Variants in ARSG observed in about 807,000 individuals in gnomAD.
ARSG encodes ASG.
In ARSG, 37 loss-of-function variants were observed where a neutral mutation model predicts 50.5. That is an observed-to-expected ratio of 0.73 (90% confidence interval 0.56 to 0.96). The LOEUF (loss-of-function observed/expected upper bound fraction) is 0.96. ARSG is among the 50% of genes least tolerant of loss of function. The probability of loss-of-function intolerance (pLI) is 0.00; values close to 1 mark genes in which losing one functional copy is unlikely to be tolerated. For synonymous variants in ARSG, 225 were observed against 254.6 expected, an observed-to-expected ratio of 0.88 and a Z score of 1.11; for missense variants, 629 against 675.3, an observed-to-expected ratio of 0.93 and a Z score of 0.76.
intron 3 of ARSG, chr17:68,346,782 C>A (rs759026435): frequency 7.6e-7 from 1 of 1,307,774 alleles, no homozygotes; most frequent in South Asian, 1.2e-5. Context: ...AGGGCCCCAG[C>A]GCGGGAGGGC....
At chr17:68,262,000 A>C (rs2075078013) in intron 1 of ARSG, among the ~76,000 whole-genome samples, 1 of 151,876 alleles carries the variant, frequency 6.6e-6, no homozygotes, top group Admixed American at 6.6e-5. Flanking sequence ...AAAAATACAA[A>C]AAAAAAATGA....
chr17:68,356,938 T>C, intron 6 of ARSG, 134 bp downstream of exon 6: 11 of 1,082,112 alleles, frequency 1.0e-5, no homozygotes, highest in South Asian at 1.5e-5. Flanking sequence ...GATGCATACA[T>C]GTCTCCTATA....
At chr17:68,279,352 C>G (rs2075622754) in intron 1 of ARSG, among the ~76,000 whole-genome samples, 1 of 151,998 alleles carries the variant, frequency 6.6e-6, no homozygotes, top group Non-Finnish European at 1.5e-5. Context: ...ACTCAGTAAG[C>G]AATATTCTGA....
At chr17:68,333,260 T>A (rs2077858449) in intron 2 of ARSG, among the ~76,000 whole-genome samples, 1 of 152,136 alleles carries the variant, frequency 6.6e-6, no homozygotes, top group Non-Finnish European at 1.5e-5. Flanking sequence ...AGGCAGAGCT[T>A]GCAGCGAAGG....
intron 9 of ARSG, among the ~76,000 whole-genome samples, chr17:68,387,079 TCACA>T (rs72320984): frequency 0.43 from 62,100 of 146,080 alleles, 13,572 homozygotes; most frequent in East Asian, 0.67. Flanking sequence ...ATATAGTGTA[TCACA>T]CACACACACA....
the ARSG span, chr17:68,448,383 C>T: frequency 6.6e-6 from 1 of 152,202 alleles, no homozygotes; most frequent in Non-Finnish European, 1.5e-5. Context: ...TGAACCGATG[C>T]TCATCTTGGT....
intron 4 of ARSG, 33 bp from the exon 5 acceptor site, chr17:68,351,542 C>T (rs751640754): frequency 2.3e-5 from 30 of 1,280,150 alleles, no homozygotes; most frequent in African/African-American, 8.8e-5. Context: ...GTCGCAGCCA[C>T]GTGGGGGTGC....
At position 68,385,052 on chromosome 17, in the gene ARSG, C is replaced by T. The variant is rs1600010648; in HGVS notation, c.983-12C>T. 2 of 1,611,930 alleles carry T rather than the reference C, an allele frequency of 1.2e-6. No homozygotes were observed. The highest frequency in any genetic ancestry group is 1.7e-6 in the Non-Finnish European group (2 of 1,178,092). On this transcript the variant is annotated splice_polypyrimidine_tract_variant and intron_variant, in intron 8 of 11. Coordinates refer to ENST00000621439, the MANE Select transcript of ARSG (RefSeq NM_001267727.2). ...ACCATGGATGAACCAGCTGCCTCCC[C>T]TCCTCTCACAGGGGGAAGTCCAGCC...
At chr17:68,424,825 C>T (rs2083051569), downstream of ARSG, among the ~76,000 whole-genome samples, 1 of 151,828 alleles carries the variant, frequency 6.6e-6, no homozygotes, top group Admixed American at 6.6e-5. Context: ...TGCAGCGAGC[C>T]GAGATCACAC....
downstream of ARSG, chr17:68,427,456 AAGC>A: frequency 2.6e-6 from 1 of 381,510 alleles, no homozygotes; most frequent in Non-Finnish European, 4.8e-6. Context: ...TCCTGGGTTC[AAGC>A]GATTCTCCTG....
chr17:68,437,973 A>AAAAAAAAAAAAAAAT, the ARSG span, among the ~76,000 whole-genome samples: 1 of 139,848 alleles, frequency 7.2e-6, no homozygotes, highest in African/African-American at 2.6e-5. Flanking sequence ...AAAAAAAAAA[A>AAAAAAAAAAAAAAAT]GTGACTGGCG....
Position 68,368,592 on chromosome 17 carries a change from T to G in ARSG, c.749T>G (p.Met250Arg). Residue 250 changes from methionine (M) to arginine (R), a missense_variant, in exon 7 of 12, where the codon ATG becomes AGG. Physicochemically the swap from Met to Arg is moderately conservative, Grantham distance 91 (BLOSUM62 -1). Coordinates refer to ENST00000621439, the MANE Select transcript of ARSG (RefSeq NM_001267727.2). Reference sequence around the variant, plus strand: ...CTGCTCTATGTGGCTCTGGCCCACATGCACGTGCCCTTACCTGTGACTCAG... The same window carrying G: ...CTGCTCTATGTGGCTCTGGCCCACAGGCACGTGCCCTTACCTGTGACTCAG... ...PFLLYVALAHMHVPLPVTQLP... is the reference protein window; with the variant it reads ...PFLLYVALAHRHVPLPVTQLP... 6.2e-7 allele frequency: 1 copy of G among 1,614,176 alleles called. No homozygotes were observed. Among genetic ancestry groups the G allele is most frequent in the South Asian group, 1.1e-5 (1 of 91,082 alleles).
Position 68,270,510 on chromosome 17 carries a change from C to T in ARSG, c.-552+11084C>T, listed in dbSNP as rs113290352. ...TGGAGGTTGCAGTGAGCTGAGACTG[C>T]GCCACTGCACTCCAGCCTGGGTGAT... On this transcript the variant is annotated intron_variant, in intron 1 of 11. Coordinates refer to the ARSG transcript ENST00000448504. Among the ~76,000 whole-genome samples the T allele has an allele frequency of 5.3e-3, 796 of 150,636 alleles. 11 individuals carry two copies. The highest frequency in any genetic ancestry group is 0.016 in the South Asian group (75 of 4,750).
At chr17:68,366,673 A>ATGTGTGTGTGTGTGTGTGTGTGTGTG (rs555888280) in intron 6 of ARSG, among the ~76,000 whole-genome samples, 4 of 134,872 alleles carry the variant, frequency 3.0e-5, no homozygotes, top group African/African-American at 8.3e-5. Context: ...CTAGGAATTT[A>ATGTGTGTGTGTGTGTGTGTGTGTGTG]TGTATGTGTG....
chr17:68,282,565 G>C (rs1284312412), intron 1 of ARSG, among the ~76,000 whole-genome samples: 1 of 151,814 alleles, frequency 6.6e-6, no homozygotes, highest in Admixed American at 6.6e-5. Flanking sequence ...TTGGGAAACT[G>C]AGGCTGGAGG....
chr17:68,437,678 G>C, the ARSG span, among the ~76,000 whole-genome samples: 1 of 152,138 alleles, frequency 6.6e-6, no homozygotes, highest in Non-Finnish European at 1.5e-5. Flanking sequence ...GGTGTGCCTA[G>C]ACATTGAGAC....
At chr17:68,329,404 C>T (rs553555135) in intron 2 of ARSG, among the ~76,000 whole-genome samples, 1 of 152,188 alleles carries the variant, frequency 6.6e-6, no homozygotes, top group Non-Finnish European at 1.5e-5. Flanking sequence ...AGGACCTCCA[C>T]TGAGGCTGGC....
chr17:68,393,891 A>G (rs1462612821), intron 9 of ARSG, among the ~76,000 whole-genome samples: 2 of 148,904 alleles, frequency 1.3e-5, no homozygotes, highest in African/African-American at 5.1e-5. Flanking sequence ...AGGGAAAGAA[A>G]AAGAAATTAT....
chr17:68,307,532 G>T lies in ARSG; in HGVS notation c.39G>T (p.Val13=). 6.2e-7 allele frequency: 1 copy of T among 1,614,168 alleles called. No individual in the cohort carries two copies. The highest frequency in any genetic ancestry group is 8.5e-7 in the Non-Finnish European group (1 of 1,180,002). The change falls in exon 2 of 12, where the codon GTG becomes GTT. Residue 13 remains valine, a synonymous_variant. Coordinates refer to ENST00000621439, the MANE Select transcript of ARSG (RefSeq NM_001267727.2). ...TTCTAAAGGTTTTGTTGGCGGGAGT[G>T]AGTTTCTCAGGATTTCTTTATCCTC... The part of the protein sequence containing the change: ...WLFLKVLLAG[V]SFSGFLYPLV...
Sources: gnomAD v4.1 joint callset for allele counts (sites outside exome capture counted in the v4.1 genomes callset) on GRCh38, gnomAD v4.1.1 for gene constraint, MANE v1.5 for transcripts, NCBI Gene and HGNC (gene_info 2026-07-23, HGNC 2026-07-21) for gene names.